Variants in CNTNAP4 observed in about 807,000 individuals in gnomAD.
CNTNAP4 encodes the protein contactin associated protein family member 4.
In CNTNAP4, 98 loss-of-function variants were observed where a neutral mutation model predicts 148.4. That is an observed-to-expected ratio of 0.66 (90% CI 0.56 to 0.78). The LOEUF is 0.78. CNTNAP4 is among the 30% of genes least tolerant of loss of function. The pLI is 0.00. For synonymous variants in CNTNAP4, 730 were observed against 565.1 expected, an observed-to-expected ratio of 1.29 and a Z score of -4.14; for missense variants, 1,935 against 1,565.6, an observed-to-expected ratio of 1.24 and a Z score of -3.98.
At chr16:76,422,361 C>A (rs941108329) in intron 3 of CNTNAP4, among the ~76,000 whole-genome samples, 1 of 46,236 alleles carries the variant, frequency 2.2e-5, no homozygotes, top group East Asian at 3.4e-4. Context: ...CAATGTTTAT[C>A]ATTTATTTTT....
intron 14 of CNTNAP4, among the ~76,000 whole-genome samples, chr16:76,497,827 G>A (rs1251209019): frequency 5.9e-5 from 9 of 151,664 alleles, no homozygotes; most frequent in Non-Finnish European, 1.5e-5. Context: ...ATGTATCCTA[G>A]AACTTAAAGT....
At chr16:76,498,928 A>G (rs955895526) in intron 15 of CNTNAP4, among the ~76,000 whole-genome samples, 38 of 152,200 alleles carry the variant, frequency 2.5e-4, no homozygotes, top group African/African-American at 9.2e-4. Context: ...GTTACAGTTT[A>G]ATGAGTACAG....
At chr16:76,339,992 C>T (rs1445424170) in intron 2 of CNTNAP4, among the ~76,000 whole-genome samples, 1 of 152,102 alleles carries the variant, frequency 6.6e-6, no homozygotes, top group Non-Finnish European at 1.5e-5. Context: ...GAGTGAGAGG[C>T]ATAAGAACAT....
In CNTNAP4 at chr16:76,489,899, T is replaced by A; in HGVS notation, c.2080+16T>A. ...AATAAGCAAGGTAAGTAAACCATGG[T>A]GTCTGTCTTGTTGCACACATCACAT... On this transcript the variant is annotated intron_variant, in intron 13 of 23. Transcript: ENST00000611870. The A allele has an allele frequency of 6.7e-7, 1 of 1,482,416 alleles. No homozygotes were observed. 91.8% of individuals were successfully genotyped at this position (1,482,416 alleles called of 1,614,324 possible).
chr16:76,319,704 A>T (rs1962206267), intron 2 of CNTNAP4, among the ~76,000 whole-genome samples: 1 of 152,142 alleles, frequency 6.6e-6, no homozygotes, highest in Non-Finnish European at 1.5e-5. Flanking sequence ...CCAGATGAAG[A>T]TGGAAGCAGA....
intron 3 of CNTNAP4, among the ~76,000 whole-genome samples, chr16:76,401,166 A>G (rs1187278748): frequency 2.0e-5 from 3 of 152,134 alleles, no homozygotes; most frequent in Non-Finnish European, 2.9e-5. Context: ...CTTCCTATCT[A>G]TGAGCATGGA....
intron 10 of CNTNAP4, among the ~76,000 whole-genome samples, chr16:76,475,305 T>C (rs2081529754): frequency 6.6e-6 from 1 of 152,222 alleles, no homozygotes; most frequent in Non-Finnish European, 1.5e-5. Flanking sequence ...AAAGGGAATA[T>C]ATAATGATCT....
intron 2 of CNTNAP4, among the ~76,000 whole-genome samples, chr16:76,324,909 A>G (rs1380500852): frequency 5.9e-5 from 9 of 152,202 alleles, no homozygotes; most frequent in Non-Finnish European, 1.0e-4. Context: ...ATGCCATCAC[A>G]CTGGGGATTA....
Position 76,452,550 on chromosome 16 carries a change from G to A in CNTNAP4, c.1114G>A (p.Val372Met), listed in dbSNP as rs139625830. 2.4e-5 allele frequency: 38 copies of A among 1,613,956 alleles called. No homozygotes were observed. The highest frequency in any genetic ancestry group is 9.9e-5 in the South Asian group (9 of 91,078). Residue 372 changes from valine (V) to methionine (M), a missense_variant, in exon 8 of 24, where the codon GTG (valine) becomes ATG (methionine). Transcript: ENST00000611870. ...FSCSQPQSMP[V>M]TFLSSRSYLA... ...TTGTTCACAACCACAATCTATGCCCGTGACTTTTCTGAGCTCCAGGAGTTA... is the reference window on the plus strand; with the variant it reads ...TTGTTCACAACCACAATCTATGCCCATGACTTTTCTGAGCTCCAGGAGTTA...
rs2143692004 is a variant in CNTNAP4, at chr16:76,482,416, A to T, written c.1882+2878A>T. On this transcript the variant is annotated intron_variant, in intron 12 of 23. Coordinates refer to ENST00000611870, the MANE Select transcript of CNTNAP4 (RefSeq NM_033401.5). The stretch of plus-strand genomic sequence containing the variant: ...AAAAGGTTTAAGGTGAAAGATCATA[A>T]GCTCTGTTTTACACAATTTTTTTTT... 1.3e-5 allele frequency among the ~76,000 whole-genome samples: 2 copies of T among 148,246 alleles called. 1 individual carries two copies. Among genetic ancestry groups the T allele is most frequent in the East Asian group, 4.0e-4 (2 of 5,016 alleles).
At chr16:76,466,923 A>C (rs1369717333) in intron 9 of CNTNAP4, among the ~76,000 whole-genome samples, 1 of 152,110 alleles carries the variant, frequency 6.6e-6, no homozygotes, top group Non-Finnish European at 1.5e-5. Context: ...TATAAATACA[A>C]AGATATTTCA....
chr16:76,312,297 T>C (rs889379928), intron 1 of CNTNAP4, among the ~76,000 whole-genome samples: 10 of 152,152 alleles, frequency 6.6e-5, no homozygotes, highest in African/African-American at 2.4e-4. Flanking sequence ...ATTGCTGATA[T>C]TTCTTGGAAG....
intron 3 of CNTNAP4, among the ~76,000 whole-genome samples, chr16:76,378,605 G>A (rs1258359523): frequency 2.6e-5 from 4 of 152,202 alleles, no homozygotes; most frequent in African/African-American, 4.8e-5. Flanking sequence ...AGTAGACCTT[G>A]GTGTAAGTCT....
rs1378644001 is a variant in CNTNAP4, at chr16:76,408,087, A to C, written c.391-19365A>C. On this transcript the variant is annotated intron_variant, in intron 3 of 23. Coordinates refer to ENST00000611870, the MANE Select transcript of CNTNAP4 (RefSeq NM_033401.5). Reference sequence around the variant, plus strand: ...TTTTTTAGCAATCAAGTATTTTAAAATTAAGGCATATACATTTTTAAGGCA... The same window carrying C: ...TTTTTTAGCAATCAAGTATTTTAAACTTAAGGCATATACATTTTTAAGGCA... 2.6e-5 allele frequency among the ~76,000 whole-genome samples: 4 copies of C among 152,122 alleles called. No individual in the cohort carries two copies. The East Asian group carries it at 5.8e-4, about 22-fold the overall frequency.
At chr16:76,457,835 G>C (rs889399341) in intron 8 of CNTNAP4, among the ~76,000 whole-genome samples, 7 of 151,722 alleles carry the variant, frequency 4.6e-5, no homozygotes, top group East Asian at 3.9e-4. Context: ...GGGTACAAGT[G>C]CAGGTTGTTA....
intron 1 of CNTNAP4, among the ~76,000 whole-genome samples, chr16:76,285,588 C>T (rs141262572): frequency 1.1e-4 from 17 of 151,936 alleles, no homozygotes; most frequent in African/African-American, 4.1e-4. Flanking sequence ...CATTTTCTTC[C>T]CACTGGCAAT....
intron 2 of CNTNAP4, among the ~76,000 whole-genome samples, chr16:76,339,291 C>G (rs1964272978): frequency 6.6e-6 from 1 of 152,070 alleles, no homozygotes; most frequent in East Asian, 1.9e-4. Flanking sequence ...CAGCCCCTCC[C>G]CATTCAACAT....
intron 9 of CNTNAP4, 73 bp downstream of exon 9, chr16:76,462,178 C>A: frequency 7.6e-7 from 1 of 1,321,338 alleles, no homozygotes; most frequent in Non-Finnish European, 1.0e-6. Flanking sequence ...TTGGCGAAGT[C>A]ATCATGTTTT....
At chr16:76,309,157 T>A (rs1960815546) in intron 1 of CNTNAP4, among the ~76,000 whole-genome samples, 1 of 152,102 alleles carries the variant, frequency 6.6e-6, no homozygotes, top group East Asian at 1.9e-4. Flanking sequence ...TACTTGTGTC[T>A]TCTGGGTGCT....
Sources: allele counts gnomAD v4.1 joint callset (sites outside exome capture counted in the v4.1 genomes callset), GRCh38; gene constraint gnomAD v4.1.1; transcripts MANE v1.5; gene names NCBI Gene and HGNC (gene_info 2026-07-23, HGNC 2026-07-21).